KDM4C: variants seen among roughly 807,000 people sequenced by gnomAD.
KDM4C encodes the protein lysine demethylase 4C, also known as lysine-specific demethylase 4C.
KDM4C carries 81 observed loss-of-function variants against 129.3 expected under a neutral mutation model. The observed-to-expected ratio is 0.63, with a 90% CI of 0.52 to 0.75. KDM4C has a LOEUF of 0.75. Ranked by LOEUF, KDM4C falls within the 30% of genes least tolerant of loss-of-function variation. The probability of loss-of-function intolerance (pLI) is 0.00; values close to 1 mark genes in which losing one functional copy is unlikely to be tolerated. For missense variants in KDM4C, 1,457 were observed against 1,304.0 expected, an observed-to-expected ratio of 1.12 and a Z score of -1.81; for synonymous variants, 573 against 456.1, an observed-to-expected ratio of 1.26 and a Z score of -3.26.
At chr9:6,854,525 C>CAAAAAAAAAAAA (rs1177446839) in intron 5 of KDM4C, among the ~76,000 whole-genome samples, 77 of 41,088 alleles carry the variant, frequency 1.9e-3, no homozygotes, top group African/African-American at 2.4e-3. Flanking sequence ...AACTCCGTCT[C>CAAAAAAAAAAAA]AAAAAAAAAA....
intron 8 of KDM4C, among the ~76,000 whole-genome samples, chr9:6,962,270 T>C (rs1318905869): frequency 6.6e-6 from 1 of 152,210 alleles, no homozygotes; most frequent in East Asian, 1.9e-4. Context: ...TGTAGCAGTG[T>C]TTAATCTAGC....
chr9:6,918,198 G>T (rs1025318807), intron 8 of KDM4C, among the ~76,000 whole-genome samples: 1 of 152,224 alleles, frequency 6.6e-6, no homozygotes, highest in East Asian at 1.9e-4. Flanking sequence ...GTAGTCCCCA[G>T]TGTCTACAGT....
chr9:7,067,422 A>T (rs948465357), intron 17 of KDM4C, among the ~76,000 whole-genome samples: 2 of 152,234 alleles, frequency 1.3e-5, no homozygotes, highest in East Asian at 3.9e-4. Flanking sequence ...AGCAAGCAAG[A>T]TGTGTTTGTC....
At chr9:6,860,274 T>G (rs1193975947) in intron 5 of KDM4C, among the ~76,000 whole-genome samples, 1 of 152,224 alleles carries the variant, frequency 6.6e-6, no homozygotes, top group Non-Finnish European at 1.5e-5. Context: ...GTTCTTTCTT[T>G]AGATGTGTTA....
chr9:7,028,741 A>G (rs1826220657), intron 15 of KDM4C, among the ~76,000 whole-genome samples: 1 of 152,082 alleles, frequency 6.6e-6, no homozygotes, highest in African/African-American at 2.4e-5. Flanking sequence ...GCTTGCTGGA[A>G]CTGGGATGTG....
intron 19 of KDM4C, among the ~76,000 whole-genome samples, chr9:7,158,447 T>G (rs1027933250): frequency 6.6e-6 from 1 of 152,206 alleles, no homozygotes; most frequent in Non-Finnish European, 1.5e-5. Context: ...GGTGTCGATT[T>G]TTAGATCTTT....
At chr9:7,149,122 CT>C (rs778480723) in intron 19 of KDM4C, among the ~76,000 whole-genome samples, 5 of 152,256 alleles carry the variant, frequency 3.3e-5, no homozygotes, top group Non-Finnish European at 4.4e-5. Flanking sequence ...CCGAGCCGCC[CT>C]CAGGCCCCTT....
Position 6,792,979 on chromosome 9 carries a change from C to G in KDM4C, c.-10C>G, listed in dbSNP as rs1239118820. On this transcript the variant is annotated 5_prime_UTR_variant, in exon 2 of 22. Coordinates refer to ENST00000381309, the MANE Select transcript of KDM4C (RefSeq NM_015061.6). ...CTACTGTCTTCTCTCCAGACACTGC[C>G]CTAACCATCATGGAGGTGGCCGAGG... 1 of 1,614,078 alleles carries G rather than the reference C, an allele frequency of 6.2e-7. No homozygotes were observed. The highest frequency in any genetic ancestry group is 1.3e-5 in the African/African-American group (1 of 75,006).
intron 1 of KDM4C, among the ~76,000 whole-genome samples, chr9:6,779,469 C>T (rs1588208065): frequency 6.6e-6 from 1 of 152,180 alleles, no homozygotes. Flanking sequence ...ACCCCTAGAT[C>T]ATAACTAATT....
chr9:6,788,116 C>T (rs976579228), intron 1 of KDM4C, among the ~76,000 whole-genome samples: 1 of 152,146 alleles, frequency 6.6e-6, no homozygotes. Context: ...GCCCTTTGTT[C>T]CTCCGAAGTA....
At chr9:6,958,687 A>ATTTTTTTTTTTTTTTTTTTT (rs377187050) in intron 8 of KDM4C, among the ~76,000 whole-genome samples, 1 of 136,364 alleles carries the variant, frequency 7.3e-6, no homozygotes, top group Non-Finnish European at 1.5e-5. Context: ...TCTTTATATG[A>ATTTTTTTTTTTTTTTTTTTT]TTTTTTTTTT....
intron 3 of KDM4C, among the ~76,000 whole-genome samples, chr9:6,807,833 G>C (rs1169510056): frequency 1.3e-5 from 2 of 149,026 alleles, no homozygotes; most frequent in Non-Finnish European, 3.0e-5. Flanking sequence ...GCCCCATCCG[G>C]GAGGGAGGTT....
chr9:7,121,039 G>T (rs1366986615), intron 18 of KDM4C, among the ~76,000 whole-genome samples: 2 of 152,104 alleles, frequency 1.3e-5, no homozygotes, highest in Non-Finnish European at 2.9e-5. Flanking sequence ...CCATTACCCA[G>T]AGTTATACAT....
At chr9:7,094,554 G>A (rs533448047) in intron 17 of KDM4C, among the ~76,000 whole-genome samples, 165 of 152,204 alleles carry the variant, frequency 1.1e-3, no homozygotes, top group Non-Finnish European at 1.9e-3. Flanking sequence ...AGATACTTAC[G>A]TAGGGGAAGG....
intron 5 of KDM4C, among the ~76,000 whole-genome samples, chr9:6,850,361 G>T (rs1838614922): frequency 6.6e-6 from 1 of 152,226 alleles, no homozygotes; most frequent in Non-Finnish European, 1.5e-5. Context: ...GTAGGAGGTA[G>T]TTAGGAGTGA....
chr9:6,916,151 T>G (rs940538683), intron 8 of KDM4C, among the ~76,000 whole-genome samples: 43 of 152,120 alleles, frequency 2.8e-4, no homozygotes, highest in Admixed American at 9.2e-4. Context: ...TTTTTGACAG[T>G]CACTTCTGAG....
At chr9:6,841,448 G>A (rs540558641) in intron 4 of KDM4C, among the ~76,000 whole-genome samples, 153 of 152,114 alleles carry the variant, frequency 1.0e-3, no homozygotes, top group African/African-American at 3.6e-3. Flanking sequence ...CTAATTTTGG[G>A]GAACAAGGTT....
chr9:6,777,070 C>G (rs370290518), intron 1 of KDM4C, among the ~76,000 whole-genome samples: 1 of 152,138 alleles, frequency 6.6e-6, no homozygotes, highest in Non-Finnish European at 1.5e-5. Context: ...ATTTTCATCC[C>G]CTACCCCCAA....
chr9:7,041,786 C>A (rs1014118367), intron 15 of KDM4C, among the ~76,000 whole-genome samples: 6 of 152,032 alleles, frequency 3.9e-5, no homozygotes, highest in African/African-American at 1.2e-4. Flanking sequence ...AGGACTTTCC[C>A]TTCTGCAGGG....
Sources: gnomAD v4.1 joint callset for allele counts (sites outside exome capture counted in the v4.1 genomes callset) on GRCh38, gnomAD v4.1.1 for gene constraint, MANE v1.5 for transcripts, NCBI Gene and HGNC (gene_info 2026-07-23, HGNC 2026-07-21) for gene names.